The following INSC variants were observed in gnomAD, a reference collection of about 807,000 sequenced individuals.
The protein encoded by INSC is protein inscuteable homolog.
INSC carries 67 observed loss-of-function variants against 58.6 expected under a neutral mutation model. The ratio of observed to expected loss-of-function variants is 1.14; its 90% CI spans 0.94 to 1.40. The LOEUF (loss-of-function observed/expected upper bound fraction) is 1.40, where lower values mean the gene tolerates loss of function less well. Ranked by LOEUF, INSC falls within the 40% of genes most tolerant of loss-of-function variation. The probability of loss-of-function intolerance (pLI) is 0.00; values close to 1 mark genes in which losing one functional copy is unlikely to be tolerated. For missense variants in INSC, 714 were observed against 692.0 expected (o/e 1.03, Z -0.36); for synonymous variants, 262 against 276.1 (o/e 0.95, Z 0.51).
downstream of INSC, among the ~76,000 whole-genome samples, chr11:15,248,343 C>A (rs1256552056): frequency 6.6e-6 from 1 of 152,168 alleles, no homozygotes; most frequent in Admixed American, 6.5e-5. Flanking sequence ...TATTAAGGTG[C>A]AATTTTACTT....
chr11:15,190,601 T>C (rs1333446975), intron 5 of INSC, 100 bp from the exon 6 acceptor site: 2 of 800,476 alleles, frequency 2.5e-6, no homozygotes, highest in African/African-American at 3.4e-5. Context: ...GTAGATTCCA[T>C]GGTTGCTGTT....
At chr11:15,151,276 CT>C (rs1335189240) in intron 2 of INSC, among the ~76,000 whole-genome samples, 2 of 152,134 alleles carry the variant, frequency 1.3e-5, no homozygotes, top group Non-Finnish European at 2.9e-5. Flanking sequence ...TTGTATGTTC[CT>C]TATGGGAATG....
chr11:15,200,753 T>C, intron 6 of INSC, 71 bp from the exon 7 acceptor site: 4 of 1,599,278 alleles, frequency 2.5e-6, no homozygotes, highest in East Asian at 2.2e-5. Context: ...ATCAGGGATG[T>C]CACTTATTCT....
intron 6 of INSC, among the ~76,000 whole-genome samples, chr11:15,193,736 G>A (rs1366538732): frequency 6.6e-6 from 1 of 152,112 alleles, no homozygotes; most frequent in Non-Finnish European, 1.5e-5. Context: ...ATTGTGAATA[G>A]TGCCACAATA....
chr11:15,126,637 C>G (rs1217004201), intron 1 of INSC, among the ~76,000 whole-genome samples: 6 of 152,214 alleles, frequency 3.9e-5, no homozygotes, highest in Admixed American at 1.3e-4. Context: ...AGAGAAAGGT[C>G]AAGCATCTCA....
chr11:15,261,382 C>A, the INSC span, among the ~76,000 whole-genome samples: 327 of 152,276 alleles, frequency 2.1e-3, no homozygotes, highest in African/African-American at 7.6e-3. Flanking sequence ...ACAGCAAGGA[C>A]TTCTCATTCT....
chr11:15,166,237 C>G lies in INSC; in HGVS notation c.57-9504C>G, dbSNP rs541383924. Among the ~76,000 whole-genome samples the G allele has an allele frequency of 3.3e-5, 5 of 152,272 alleles. No individual in the cohort carries two copies. In the South Asian group the frequency reaches 1.0e-3, roughly 32 times the overall value. On this transcript the variant is annotated intron_variant, in intron 2 of 12. Transcript: ENST00000379556. ...CCACAACTCACCAGAGCACTGTTTG[C>G]CTTTACATTCAGGCCAGGCTCTGAG...
At chr11:15,256,922 C>G in the INSC span, among the ~76,000 whole-genome samples, 1 of 152,174 alleles carries the variant, frequency 6.6e-6, no homozygotes, top group African/African-American at 2.4e-5. Flanking sequence ...TGCCTTCCTC[C>G]TAAATGTCTA....
chr11:15,150,878 G>C (rs1359171390), intron 2 of INSC, among the ~76,000 whole-genome samples: 8 of 152,186 alleles, frequency 5.3e-5, no homozygotes, highest in Non-Finnish European at 2.9e-5. Flanking sequence ...AATCAGACTT[G>C]GGTTCAAAGC....
intron 5 of INSC, among the ~76,000 whole-genome samples, chr11:15,180,404 G>A (rs975422392): frequency 1.3e-5 from 2 of 152,168 alleles, no homozygotes; most frequent in African/African-American, 4.8e-5. Context: ...TATCTTTGAT[G>A]CTTTAGGTCA....
the INSC span, among the ~76,000 whole-genome samples, chr11:15,260,355 G>A: frequency 5.3e-5 from 8 of 152,098 alleles, no homozygotes; most frequent in African/African-American, 2.4e-5. Flanking sequence ...GAAATGTAAT[G>A]ATCTAATTTA....
chr11:15,212,433 G>A (rs895379162), intron 7 of INSC, among the ~76,000 whole-genome samples: 2 of 152,048 alleles, frequency 1.3e-5, no homozygotes, highest in African/African-American at 2.4e-5. Context: ...GGGCCCTGCC[G>A]TGAGCCACTG....
At chr11:15,252,284 T>G in the INSC span, among the ~76,000 whole-genome samples, 2 of 152,124 alleles carry the variant, frequency 1.3e-5, no homozygotes, top group Non-Finnish European at 2.9e-5. Context: ...GTGATGAAAA[T>G]TAATGGTGAA....
the INSC span, among the ~76,000 whole-genome samples, chr11:15,260,948 G>T: frequency 6.6e-6 from 1 of 152,172 alleles, no homozygotes; most frequent in Non-Finnish European, 1.5e-5. Context: ...TCCACCAGTG[G>T]CTCACAAAGG....
intron 6 of INSC, among the ~76,000 whole-genome samples, chr11:15,200,465 G>A (rs1242056890): frequency 6.6e-6 from 1 of 152,036 alleles, no homozygotes; most frequent in Non-Finnish European, 1.5e-5. Context: ...CTCCAGGCCT[G>A]CTCTATGGGA....
At chr11:15,123,450 G>A (rs1847921009) in intron 1 of INSC, among the ~76,000 whole-genome samples, 1 of 152,176 alleles carries the variant, frequency 6.6e-6, no homozygotes, top group African/African-American at 2.4e-5. Context: ...TTTATCATCT[G>A]AGTAACCAGA....
In INSC at chr11:15,191,606, TC is replaced by T. The variant is rs1218365278; in HGVS notation, c.693+793del. 3.3e-5 allele frequency among the ~76,000 whole-genome samples: 5 copies of T among 152,312 alleles called. No homozygotes were observed. The East Asian group carries it at 9.6e-4, about 29-fold the overall frequency. ...TTGAAAGAAAAGTTTTTATTTTTTT[TC>T]ATATAGACTTGTGTATGGCTTAAGC... On this transcript the variant is annotated intron_variant, in intron 6 of 12. Coordinates refer to ENST00000379556, the MANE Select transcript of INSC (RefSeq NM_001042536.3).
At chr11:15,122,904 C>T (rs2105794) in intron 1 of INSC, among the ~76,000 whole-genome samples, 144,789 of 152,154 alleles carry the variant, frequency 0.95, 69,322 homozygotes, top group East Asian at 1. Context: ...CATTAGTTGC[C>T]TCCTATTGAT....
chr11:15,261,939 A>G, the INSC span, among the ~76,000 whole-genome samples: 1 of 152,152 alleles, frequency 6.6e-6, no homozygotes, highest in African/African-American at 2.4e-5. Flanking sequence ...CAGAGCAGGC[A>G]TGGCAGGATA....
Sources: allele counts gnomAD v4.1 joint callset (sites outside exome capture counted in the v4.1 genomes callset), GRCh38; gene constraint gnomAD v4.1.1; transcripts MANE v1.5; gene names NCBI Gene and HGNC (gene_info 2026-07-23, HGNC 2026-07-21).